CELF4: variants seen among roughly 807,000 people sequenced by gnomAD.
CELF4 encodes CUGBP Elav-like family member 4, also known as CUG-BP- and ETR-3-like factor 4.
CELF4 carries 18 observed loss-of-function variants against 59.9 expected under a neutral mutation model. The observed-to-expected ratio is 0.30, with a 90% CI of 0.21 to 0.45. The LOEUF (loss-of-function observed/expected upper bound fraction) is 0.45, where lower values mean the gene tolerates loss of function less well. Ranked by LOEUF, CELF4 falls within the 20% of genes least tolerant of loss-of-function variation. The pLI is 1.00. For synonymous variants in CELF4, 261 were observed against 267.1 expected (o/e 0.98, Z 0.22); for missense variants, 456 against 689.0 (o/e 0.66, Z 3.79).
intron 3 of CELF4, among the ~76,000 whole-genome samples, chr18:37,288,238 C>T (rs1434350629): frequency 6.6e-6 from 1 of 152,214 alleles, no homozygotes; most frequent in Non-Finnish European, 1.5e-5. Flanking sequence ...CTCCACTGCA[C>T]CTAATGAGGT....
At chr18:37,385,178 C>T (rs549267220) in intron 2 of CELF4, among the ~76,000 whole-genome samples, 9 of 152,036 alleles carry the variant, frequency 5.9e-5, no homozygotes, top group African/African-American at 2.2e-4. Flanking sequence ...GAAACCCTAT[C>T]TCTACCAAAA....
intron 2 of CELF4, among the ~76,000 whole-genome samples, chr18:37,416,985 A>C (rs922480254): frequency 6.6e-6 from 1 of 152,110 alleles, no homozygotes; most frequent in African/African-American, 2.4e-5. Context: ...AAAAGGGAGA[A>C]TAGAAGAGAG....
At chr18:37,368,640 C>CA (rs1204103442) in intron 2 of CELF4, among the ~76,000 whole-genome samples, 9 of 152,258 alleles carry the variant, frequency 5.9e-5, no homozygotes, top group African/African-American at 2.2e-4. Context: ...CTGTCACTTT[C>CA]AGCCAGCAAA....
At chr18:37,505,535 T>A (rs545797886) in intron 1 of CELF4, among the ~76,000 whole-genome samples, 1 of 152,134 alleles carries the variant, frequency 6.6e-6, no homozygotes, top group Admixed American at 6.5e-5. Flanking sequence ...GGTGGGGTGA[T>A]TGTGGGGACC....
chr18:37,539,055 G>T (rs1039141280), intron 1 of CELF4, among the ~76,000 whole-genome samples: 2 of 152,000 alleles, frequency 1.3e-5, no homozygotes, highest in Non-Finnish European at 2.9e-5. Flanking sequence ...AGCAATCCTC[G>T]GTCTCATCAG....
intron 2 of CELF4, among the ~76,000 whole-genome samples, chr18:37,351,649 C>T (rs567699513): frequency 1.8e-4 from 27 of 148,406 alleles, no homozygotes; most frequent in African/African-American, 5.8e-4. Flanking sequence ...CTCACTCTAT[C>T]GCCCAGGCTG....
At chr18:37,420,156 G>C (rs1473535427) in intron 2 of CELF4, among the ~76,000 whole-genome samples, 1 of 152,214 alleles carries the variant, frequency 6.6e-6, no homozygotes, top group Middle Eastern at 3.2e-3. Flanking sequence ...AATAGAAGGA[G>C]CTGCAGGGGC....
At chr18:37,332,703 T>C (rs1410599515) in intron 2 of CELF4, among the ~76,000 whole-genome samples, 1 of 152,162 alleles carries the variant, frequency 6.6e-6, no homozygotes, top group Non-Finnish European at 1.5e-5. Flanking sequence ...TGCTAGGGGT[T>C]TGGAGCCATA....
intron 2 of CELF4, among the ~76,000 whole-genome samples, chr18:37,337,740 A>G (rs80176653): frequency 0.02 from 2,973 of 152,306 alleles, 106 homozygotes; most frequent in African/African-American, 0.069. Context: ...CAGTGACAGA[A>G]GCATGCTCAT....
At chr18:37,298,653 A>G (rs1220865286) in intron 3 of CELF4, among the ~76,000 whole-genome samples, 2 of 150,356 alleles carry the variant, frequency 1.3e-5, no homozygotes, top group Non-Finnish European at 2.9e-5. Flanking sequence ...TAAACCTGGG[A>G]GGCAGATGTT....
chr18:37,348,465 G>A (rs948354506), intron 2 of CELF4, among the ~76,000 whole-genome samples: 6 of 152,092 alleles, frequency 3.9e-5, no homozygotes, highest in African/African-American at 9.7e-5. Context: ...TTCCGGGCAC[G>A]GACCATCTGC....
rs138398034 is a variant in CELF4, at chr18:37,287,564, C to T, written c.449-12321G>A. ...TCCTCTCTCTTCCCCTGTGCCCCTT[C>T]CCCCTCCATCCACCAGCCAGCCCTG... On this transcript the variant is annotated intron_variant, in intron 3 of 12. Coordinates refer to ENST00000420428, the MANE Select transcript of CELF4 (RefSeq NM_020180.4). 1.1e-3 allele frequency among the ~76,000 whole-genome samples: 165 copies of T among 152,340 alleles called. 2 individuals carry two copies. The highest frequency in any genetic ancestry group is 3.7e-3 in the African/African-American group (154 of 41,574).
At chr18:37,515,370 C>T (rs1413940327) in intron 1 of CELF4, among the ~76,000 whole-genome samples, 1 of 152,180 alleles carries the variant, frequency 6.6e-6, no homozygotes, top group Non-Finnish European at 1.5e-5. Context: ...AGCTTCTCCC[C>T]AGCCTGGCTA....
intron 2 of CELF4, among the ~76,000 whole-genome samples, chr18:37,458,513 G>C (rs1013175415): frequency 6.6e-6 from 1 of 152,220 alleles, no homozygotes; most frequent in Non-Finnish European, 1.5e-5. Context: ...TCTTCAACCT[G>C]CTATTTTTGG....
intron 3 of CELF4, among the ~76,000 whole-genome samples, chr18:37,312,459 T>C (rs2096711320): frequency 6.6e-6 from 1 of 152,208 alleles, no homozygotes; most frequent in East Asian, 1.9e-4. Flanking sequence ...TGTTGTAATG[T>C]CATTTCTTAA....
chr18:37,549,374 A>G (rs942621114), intron 1 of CELF4, among the ~76,000 whole-genome samples: 7 of 152,144 alleles, frequency 4.6e-5, no homozygotes, highest in Admixed American at 3.3e-4. Context: ...TGAGACAGGG[A>G]AAAAAACTCC....
intron 3 of CELF4, chr18:37,275,504 T>G: frequency 4.2e-6 from 2 of 481,230 alleles, no homozygotes. Flanking sequence ...AGGCAGGAGC[T>G]GGATCGCAGC....
At chr18:37,451,738 C>A (rs999366827) in intron 2 of CELF4, among the ~76,000 whole-genome samples, 2 of 152,162 alleles carry the variant, frequency 1.3e-5, no homozygotes, top group Non-Finnish European at 2.9e-5. Flanking sequence ...TCAGACATGA[C>A]GTGGGACAGC....
chr18:37,397,343 C>T (rs961684089), intron 2 of CELF4, among the ~76,000 whole-genome samples: 1 of 152,126 alleles, frequency 6.6e-6, no homozygotes, highest in Admixed American at 6.5e-5. Context: ...AGGCCTGGGG[C>T]TTGGGGCCAG....
Sources: gnomAD v4.1 joint callset for allele counts (sites outside exome capture counted in the v4.1 genomes callset) on GRCh38, gnomAD v4.1.1 for gene constraint, MANE v1.5 for transcripts, NCBI Gene and HGNC (gene_info 2026-07-23, HGNC 2026-07-21) for gene names.